Variants in HAPLN1 observed in about 807,000 individuals in gnomAD.
HAPLN1 encodes hyaluronan and proteoglycan link protein 1, also known as Cartilage link protein.
In HAPLN1, 13 loss-of-function variants were observed where a neutral mutation model predicts 36.5. The observed-to-expected ratio is 0.36, with a 90% CI of 0.23 to 0.57. HAPLN1 has a LOEUF of 0.57. Ranked by LOEUF, HAPLN1 falls within the 20% of genes least tolerant of loss-of-function variation. HAPLN1 has a pLI of 0.83. For synonymous variants in HAPLN1, 202 were observed against 169.8 expected (o/e 1.19, Z -1.48); for missense variants, 407 against 439.7 (o/e 0.93, Z 0.66).
chr5:83,698,584 CT>C (rs1174912249), intron 1 of HAPLN1, among the ~76,000 whole-genome samples: 2 of 152,074 alleles, frequency 1.3e-5, no homozygotes, highest in African/African-American at 4.8e-5. Flanking sequence ...TATAGTTCCC[CT>C]AGTAGTAGTT....
intron 3 of HAPLN1, among the ~76,000 whole-genome samples, chr5:83,646,587 G>C (rs535770240): frequency 6.6e-6 from 1 of 152,208 alleles, no homozygotes. Flanking sequence ...ACCCAAGAAG[G>C]CTTCCTGATC....
At chr5:83,703,822 C>T (rs1751564991) in intron 1 of HAPLN1, among the ~76,000 whole-genome samples, 1 of 152,058 alleles carries the variant, frequency 6.6e-6, no homozygotes, top group African/African-American at 2.4e-5. Flanking sequence ...ATTTCCTGAA[C>T]TTGTCTGTTG....
intron 2 of HAPLN1, among the ~76,000 whole-genome samples, chr5:83,661,519 A>C: frequency 7.8e-6 from 1 of 128,792 alleles, no homozygotes. Context: ...ATCTCAGCTC[A>C]CTGCAAGCTC....
intron 1 of HAPLN1, among the ~76,000 whole-genome samples, chr5:83,694,534 T>A (rs1253923595): frequency 6.6e-6 from 1 of 151,962 alleles, no homozygotes; most frequent in African/African-American, 2.4e-5. Context: ...ATAAAAGATA[T>A]GAATTATCAA....
intron 2 of HAPLN1, among the ~76,000 whole-genome samples, chr5:83,659,850 T>C (rs1038193977): frequency 6.6e-6 from 1 of 152,132 alleles, no homozygotes; most frequent in African/African-American, 2.4e-5. Flanking sequence ...TGTCTGGTTT[T>C]GAACCATAAA....
rs539790396 is a variant in HAPLN1, at chr5:83,688,642, C to CTTTTT, written c.-26-15098_-26-15094dup. On this transcript the variant is annotated intron_variant, in intron 1 of 4. Transcript: ENST00000274341. ...TATTTGCCAAATGCAGCTTTTGATTCTTTTTTTTTTTTTTTTTTTTTTTTT... is the reference window on the plus strand; with the variant it reads ...TATTTGCCAAATGCAGCTTTTGATTCTTTTTTTTTTTTTTTTTTTTTTTTTTTTTT... 1.1e-3 allele frequency among the ~76,000 whole-genome samples: 89 copies of CTTTTT among 80,592 alleles called. 7 individuals are homozygous for CTTTTT. Among genetic ancestry groups the CTTTTT allele is most frequent in the African/African-American group, 2.0e-3 (39 of 19,108 alleles). The allele number at this position is 80,592 out of a possible 152,430, so 52.9% of individuals were successfully genotyped here. A position where few individuals can be genotyped will look rare whatever the true frequency, so the allele number is the denominator to read the frequency against.
At chr5:83,652,362 A>T in intron 3 of HAPLN1, 91 bp downstream of exon 3, 1 of 1,314,558 alleles carries the variant, frequency 7.6e-7, no homozygotes, top group Non-Finnish European at 1.0e-6. Flanking sequence ...TCACTTTATT[A>T]CTGTGTTAAC....
At chr5:83,694,190 AT>A (rs1413379613) in intron 1 of HAPLN1, among the ~76,000 whole-genome samples, 1 of 152,026 alleles carries the variant, frequency 6.6e-6, no homozygotes, top group East Asian at 1.9e-4. Flanking sequence ...AAAATTTTAA[AT>A]AACCCAAGGG....
intron 1 of HAPLN1, among the ~76,000 whole-genome samples, chr5:83,709,893 G>T (rs186955198): frequency 6.6e-6 from 1 of 152,210 alleles, no homozygotes; most frequent in Non-Finnish European, 1.5e-5. Flanking sequence ...GATAAGGAAG[G>T]TCAGGATTTA....
intron 1 of HAPLN1, among the ~76,000 whole-genome samples, chr5:83,716,541 C>T (rs1751915190): frequency 6.6e-6 from 1 of 152,168 alleles, no homozygotes; most frequent in South Asian, 2.1e-4. Context: ...AGACACATAG[C>T]TAAAAACTCT....
rs1374938848 is a variant in HAPLN1, at chr5:83,688,509, C to T, written c.-26-14960G>A. On this transcript the variant is annotated intron_variant, in intron 1 of 4. Transcript: ENST00000274341. ...AAATGAAGTTGCTTCAAAACACTAG[C>T]GTAATTGCCAAATCAAATTCTTTCC... is the stretch of plus-strand genomic sequence containing the variant. 3.3e-5 allele frequency among the ~76,000 whole-genome samples: 5 copies of T among 152,290 alleles called. No homozygotes were observed. In the East Asian group the frequency reaches 7.7e-4, roughly 23 times the overall value.
chr5:83,691,894 A>G (rs997537085), intron 1 of HAPLN1, among the ~76,000 whole-genome samples: 2 of 151,950 alleles, frequency 1.3e-5, no homozygotes, highest in Non-Finnish European at 2.9e-5. Context: ...TCAAGAAGCT[A>G]GAAGAATTAT....
At chr5:83,673,730 C>G in intron 1 of HAPLN1, 181 bp from the exon 2 acceptor site, 1 of 520,196 alleles carries the variant, frequency 1.9e-6, no homozygotes, top group Non-Finnish European at 3.3e-6. Context: ...TGAACAATTC[C>G]TGCTACCATC....
intron 1 of HAPLN1, among the ~76,000 whole-genome samples, chr5:83,700,389 A>G (rs974232322): frequency 1.3e-5 from 2 of 152,180 alleles, no homozygotes; most frequent in Non-Finnish European, 2.9e-5. Flanking sequence ...ACTGGCTTAT[A>G]GCAATATCCA....
intron 1 of HAPLN1, among the ~76,000 whole-genome samples, chr5:83,691,519 A>C (rs894392598): frequency 1.3e-5 from 2 of 152,054 alleles, no homozygotes; most frequent in African/African-American, 4.8e-5. Flanking sequence ...TAGTGGAGGG[A>C]AAAGTAATAC....
chr5:83,653,975 A>G (rs1274879979), intron 2 of HAPLN1, among the ~76,000 whole-genome samples: 1 of 152,032 alleles, frequency 6.6e-6, no homozygotes, highest in African/African-American at 2.4e-5. Context: ...CCTTCACACA[A>G]CTCTGCAGAC....
At chr5:83,648,419 A>ATATATATATATATATT (rs1749944042) in intron 3 of HAPLN1, among the ~76,000 whole-genome samples, 1 of 136,022 alleles carries the variant, frequency 7.4e-6, no homozygotes, top group African/African-American at 2.7e-5. Flanking sequence ...ATATATATAT[A>ATATATATATATATATT]TATATATATA....
intron 2 of HAPLN1, among the ~76,000 whole-genome samples, chr5:83,661,942 T>C (rs766996319): frequency 1.1e-4 from 17 of 152,218 alleles, no homozygotes; most frequent in Non-Finnish European, 5.9e-5. Context: ...CCAATCTGCC[T>C]GAATTTAATC....
chr5:83,685,796 A>T (rs890391250), intron 1 of HAPLN1: 2 of 152,180 alleles, frequency 1.3e-5, no homozygotes, highest in African/African-American at 4.8e-5. Context: ...CAGTTACTCC[A>T]TTATTGGAGT....
Sources: allele counts gnomAD v4.1 joint callset (sites outside exome capture counted in the v4.1 genomes callset), GRCh38; gene constraint gnomAD v4.1.1; transcripts MANE v1.5; gene names NCBI Gene and HGNC (gene_info 2026-07-23, HGNC 2026-07-21).